Variants in UBE2D3 observed in about 807,000 individuals in gnomAD.
UBE2D3 encodes the protein ubiquitin conjugating enzyme E2 D3, also known as ubiquitin-conjugating enzyme E2 D3.
A neutral mutation model predicts 22.8 loss-of-function variants in UBE2D3; 2 were observed. The ratio of observed to expected loss-of-function variants is 0.09; its 90% CI spans 0.04 to 0.28. UBE2D3 has a LOEUF of 0.28. UBE2D3 is among the 10% of genes least tolerant of loss of function. UBE2D3 has a pLI of 1.00. For synonymous variants in UBE2D3, 56 were observed against 60.4 expected (o/e 0.93, Z 0.34); for missense variants, 27 against 182.5 (o/e 0.15, Z 4.91).
At chr4:102,834,991 T>G (rs1731313371) in intron 1 of UBE2D3, among the ~76,000 whole-genome samples, 1 of 152,060 alleles carries the variant, frequency 6.6e-6, no homozygotes, top group South Asian at 2.1e-4. Context: ...TCCATCCATC[T>G]CCAATCCCCA....
intron 1 of UBE2D3, among the ~76,000 whole-genome samples, chr4:102,845,890 A>G (rs1732016876): frequency 6.6e-6 from 1 of 152,122 alleles, no homozygotes; most frequent in Non-Finnish European, 1.5e-5. Context: ...TCCCAGGCTC[A>G]AGCCATTCTC....
Position 102,798,279 on chromosome 4 carries a change from A to AATAAAATATATATATAT in UBE2D3, c.399-820_399-819insATATATATATATTTTAT, listed in dbSNP as rs1725524802. On this transcript the variant is annotated intron_variant, in intron 7 of 7. Coordinates refer to ENST00000453744, the MANE Select transcript of UBE2D3 (RefSeq NM_181891.3). ...AAAACAGTGATAACCTTAAGAAATG[A>AATAAAATATATATATAT]ATATATATATATATATATGCACAGG... is the stretch of plus-strand genomic sequence containing the variant. Among the ~76,000 whole-genome samples, 13 of 111,880 alleles carry AATAAAATATATATATAT rather than the reference A, an allele frequency of 1.2e-4. 1 individual carries two copies. In the South Asian group the frequency reaches 2.5e-3, roughly 21 times the overall value. The allele number at this position is 111,880 out of a possible 152,430, so 73.4% of individuals were successfully genotyped here.
At chr4:102,838,605 T>TA (rs1425113605) in intron 1 of UBE2D3, among the ~76,000 whole-genome samples, 2 of 152,232 alleles carry the variant, frequency 1.3e-5, no homozygotes, top group African/African-American at 4.8e-5. Flanking sequence ...ATATTTTTGT[T>TA]ACAGAATAAA....
rs1188933840 is a variant in UBE2D3 at position 102,803,867 on chromosome 4, C to G, written c.121-1229G>C. ...CACTGCGACCTCTGCCTCCTGGGTT[C>G]AAGCAACTCTCCTGCCTCAGCCTCC... is the stretch of plus-strand genomic sequence containing the variant. On this transcript the variant is annotated intron_variant, in intron 4 of 7. Transcript: ENST00000453744. Among the ~76,000 whole-genome samples the G allele has an allele frequency of 2.0e-5, 3 of 152,266 alleles. No homozygotes were observed. In the East Asian group the frequency reaches 5.8e-4, roughly 29 times the overall value.
intron 4 of UBE2D3, among the ~76,000 whole-genome samples, chr4:102,808,073 CTG>C (rs772162240): frequency 6.6e-6 from 1 of 152,174 alleles, no homozygotes; most frequent in Non-Finnish European, 1.5e-5. Context: ...TCTTTGAAAA[CTG>C]GTAATCCAAA....
intron 2 of UBE2D3, among the ~76,000 whole-genome samples, chr4:102,822,043 A>T (rs1729705075): frequency 6.6e-6 from 1 of 152,232 alleles, no homozygotes; most frequent in South Asian, 2.1e-4. Context: ...ATCCTCAAAG[A>T]TTGCCTGTCT....
chr4:102,826,627 A>T lies in UBE2D3; in HGVS notation c.-119T>A, dbSNP rs1730546922. ...TCTCGTCTCACACCAGCTCTGCCAG[A>T]CACAGGCGCCTTTTGCAAAAACGGA... is the stretch of plus-strand genomic sequence containing the variant. On this transcript the variant is annotated 5_prime_UTR_variant, in exon 2 of 8. Coordinates refer to ENST00000453744, the MANE Select transcript of UBE2D3 (RefSeq NM_181891.3). 1 of 1,580,628 alleles carries T rather than the reference A, an allele frequency of 6.3e-7. No individual in the cohort carries two copies. The highest frequency in any genetic ancestry group is 1.1e-5 in the South Asian group (1 of 89,750).
intron 6 of UBE2D3, among the ~76,000 whole-genome samples, chr4:102,800,698 G>A (rs1726020542): frequency 6.6e-6 from 1 of 152,028 alleles, no homozygotes; most frequent in Non-Finnish European, 1.5e-5. Flanking sequence ...TTTGGGAAAT[G>A]CTACTGCTAC....
chr4:102,827,718 T>TCGC (rs1553964855), upstream of UBE2D3: 3 of 985,332 alleles, frequency 3.0e-6, no homozygotes, highest in African/African-American at 5.3e-5. Flanking sequence ...CCCTTTTCCT[T>TCGC]CTTCTCGGAA....
intron 2 of UBE2D3, among the ~76,000 whole-genome samples, chr4:102,815,730 G>A (rs1298385160): frequency 6.6e-6 from 1 of 151,908 alleles, no homozygotes; most frequent in Admixed American, 6.6e-5. Context: ...CCTTACTTTC[G>A]AAGTTCTCCA....
intron 1 of UBE2D3, among the ~76,000 whole-genome samples, chr4:102,838,681 A>G (rs1242599895): frequency 6.6e-6 from 1 of 152,062 alleles, no homozygotes; most frequent in Non-Finnish European, 1.5e-5. Flanking sequence ...TAAGGTAGAG[A>G]AAGGTAAAGT....
intron 5 of UBE2D3, chr4:102,802,355 T>C: frequency 5.5e-6 from 2 of 362,860 alleles, no homozygotes; most frequent in Non-Finnish European, 9.9e-6. Context: ...CTTGCAACAT[T>C]AAAGAAAAGG....
intron 1 of UBE2D3, among the ~76,000 whole-genome samples, chr4:102,836,484 T>C (rs223375): frequency 0.57 from 87,354 of 152,028 alleles, 26,399 homozygotes; most frequent in African/African-American, 0.78. Context: ...AGGGCTACTA[T>C]GAACATTCTT....
intron 2 of UBE2D3, among the ~76,000 whole-genome samples, chr4:102,824,019 T>C (rs1219462107): frequency 6.6e-6 from 1 of 152,184 alleles, no homozygotes; most frequent in African/African-American, 2.4e-5. Flanking sequence ...CCGAAGAGCA[T>C]TCCAGTTCAG....
At chr4:102,827,821 GA>G (rs913545840), upstream of UBE2D3, 147 of 986,470 alleles carry the variant, frequency 1.5e-4, no homozygotes, top group Non-Finnish European at 1.6e-4. Context: ...ACGAGTGGCG[GA>G]AACCCTTAGG....
At chr4:102,847,595 C>G (rs1275265743) in intron 1 of UBE2D3, among the ~76,000 whole-genome samples, 1 of 151,730 alleles carries the variant, frequency 6.6e-6, no homozygotes, top group Admixed American at 6.6e-5. Context: ...TCACCACATA[C>G]AGTCTTAATT....
chr4:102,826,769 G>A, intron 1 of UBE2D3, 133 bp from the exon 2 acceptor site: 1 of 1,295,574 alleles, frequency 7.7e-7, no homozygotes, highest in Non-Finnish European at 9.8e-7. Flanking sequence ...CCTCTGTACC[G>A]TGCTTTCGGC....
intron 1 of UBE2D3, 154 bp downstream of exon 1, chr4:102,827,273 G>T (rs1730711515): frequency 1.1e-6 from 1 of 948,680 alleles, no homozygotes; most frequent in South Asian, 4.9e-5. Flanking sequence ...CCTCCAGCAG[G>T]AGAGGCCGCG....
At chr4:102,840,889 C>T (rs148288039) in intron 1 of UBE2D3, among the ~76,000 whole-genome samples, 4,700 of 151,942 alleles carry the variant, frequency 0.031, 92 homozygotes, top group Non-Finnish European at 0.047. Context: ...CGGTGGCAGG[C>T]GCCTGTAGTC....
Sources: allele counts gnomAD v4.1 joint callset (sites outside exome capture counted in the v4.1 genomes callset), GRCh38; gene constraint gnomAD v4.1.1; transcripts MANE v1.5; gene names NCBI Gene and HGNC (gene_info 2026-07-23, HGNC 2026-07-21).